Variants in TMED3 observed in about 807,000 individuals in gnomAD.
The protein encoded by TMED3 is transmembrane emp24 domain-containing protein 3.
In TMED3, 9 loss-of-function variants were observed where a neutral mutation model predicts 15.0. The ratio of observed to expected loss-of-function variants is 0.60; its 90% CI spans 0.36 to 1.04. The LOEUF (loss-of-function observed/expected upper bound fraction) is 1.04, where lower values mean the gene tolerates loss of function less well. TMED3 is among the 50% of genes least tolerant of loss of function. TMED3 has a pLI of 0.01. For synonymous variants in TMED3, 117 were observed against 121.4 expected, an observed-to-expected ratio of 0.96 and a Z score of 0.24; for missense variants, 267 against 278.9, an observed-to-expected ratio of 0.96 and a Z score of 0.30.
chr15:79,314,195 C>T (rs1245994997), intron 2 of TMED3, among the ~76,000 whole-genome samples, 190 bp downstream of exon 2: 1 of 152,204 alleles, frequency 6.6e-6, no homozygotes, highest in Non-Finnish European at 1.5e-5. Flanking sequence ...TCTTCCTTTC[C>T]ACTCTCTAAC....
intron 2 of TMED3, among the ~76,000 whole-genome samples, chr15:79,358,991 G>A (rs941093027): frequency 6.6e-6 from 1 of 152,164 alleles, no homozygotes; most frequent in African/African-American, 2.4e-5. Context: ...TGCATCTACT[G>A]GGAGTGCAGT....
intron 2 of TMED3, among the ~76,000 whole-genome samples, chr15:79,316,932 G>C (rs1203614081): frequency 1.3e-5 from 2 of 152,138 alleles, no homozygotes; most frequent in Non-Finnish European, 2.9e-5. Context: ...CTTTAGATGA[G>C]CACTAACTGA....
At chr15:79,406,791 A>G (rs1262238554) in intron 2 of TMED3, among the ~76,000 whole-genome samples, 1 of 152,202 alleles carries the variant, frequency 6.6e-6, no homozygotes. Context: ...ACTATGGCCT[A>G]ATGGGCATTA....
In TMED3 at chr15:79,335,891, C is replaced by CT. The variant is rs569312769; in HGVS notation, c.417+21892dup. Among the ~76,000 whole-genome samples, 273 of 152,234 alleles carry CT rather than the reference C, an allele frequency of 1.8e-3. 3 individuals are homozygous for CT. The highest frequency in any genetic ancestry group is 6.4e-3 in the African/African-American group (264 of 41,542). On this transcript the variant is annotated intron_variant, in intron 2 of 2. Coordinates refer to the TMED3 transcript ENST00000424155. Reference sequence around the variant, plus strand: ...TAGGCACCAACCACAGTTCTTAGTGCTTTTTTGTGTGGCATTTCATTAATC... The same window carrying CT: ...TAGGCACCAACCACAGTTCTTAGTGCTTTTTTTGTGTGGCATTTCATTAATC...
chr15:79,392,038 G>A (rs549645745), intron 2 of TMED3, among the ~76,000 whole-genome samples: 7 of 152,234 alleles, frequency 4.6e-5, no homozygotes, highest in South Asian at 2.1e-4. Flanking sequence ...TATCCATTCC[G>A]CAGTTCTGTA....
At chr15:79,383,155 A>T in intron 2 of TMED3, 1 of 796,742 alleles carries the variant, frequency 1.3e-6, no homozygotes, top group East Asian at 2.7e-5. Flanking sequence ...TGCCTTGTCC[A>T]CTCTCACCTG....
intron 2 of TMED3, among the ~76,000 whole-genome samples, chr15:79,333,857 A>C (rs746416194): frequency 5.9e-5 from 9 of 152,178 alleles, no homozygotes; most frequent in African/African-American, 9.7e-5. Flanking sequence ...ACAGGGCTGT[A>C]CTCAGGTAGA....
Position 79,327,998 on chromosome 15 carries a change from T to C in TMED3, c.417+13993T>C, listed in dbSNP as rs534160495. Among the ~76,000 whole-genome samples, 9 of 152,346 alleles carry C rather than the reference T, an allele frequency of 5.9e-5. No individual in the cohort carries two copies. In the South Asian group the frequency reaches 1.9e-3, roughly 32 times the overall value. On this transcript the variant is annotated intron_variant, in intron 2 of 2. Coordinates refer to the TMED3 transcript ENST00000424155. ...AAGAGCTACAAAAGTAAATATAATATAGTTATCAACTCCTAAATGACATAT... is the reference window on the plus strand; with the variant it reads ...AAGAGCTACAAAAGTAAATATAATACAGTTATCAACTCCTAAATGACATAT...
intron 2 of TMED3, among the ~76,000 whole-genome samples, chr15:79,405,846 T>C (rs1190376476): frequency 1.3e-5 from 2 of 152,354 alleles, no homozygotes; most frequent in African/African-American, 4.8e-5. Flanking sequence ...AACATTGCCC[T>C]AGAGCAAGGC....
downstream of TMED3, among the ~76,000 whole-genome samples, chr15:79,325,230 C>T (rs145614417): frequency 8.9e-4 from 136 of 152,292 alleles, 2 homozygotes; most frequent in East Asian, 0.022. Context: ...AGAGCTTCTG[C>T]GATGAGATTC....
At chr15:79,375,597 T>C (rs1026712792) in intron 2 of TMED3, among the ~76,000 whole-genome samples, 3 of 152,148 alleles carry the variant, frequency 2.0e-5, no homozygotes, top group Non-Finnish European at 2.9e-5. Context: ...GGAGCAAGCA[T>C]GTCACATGGC....
chr15:79,363,251 G>A (rs8030896), intron 2 of TMED3, among the ~76,000 whole-genome samples: 81,391 of 151,984 alleles, frequency 0.54, 22,125 homozygotes, highest in East Asian at 0.73. Flanking sequence ...ATAGGTAATT[G>A]TTATTTACAC....
chr15:79,317,308 C>T lies in TMED3; in HGVS notation c.417+3303C>T, dbSNP rs181619420. Reference sequence around the variant, plus strand: ...GACTCATCCTCTGTCTTGGTGTCTACACCTGTGATTTCTGTGTCCTCCCTC... The same window carrying T: ...GACTCATCCTCTGTCTTGGTGTCTATACCTGTGATTTCTGTGTCCTCCCTC... On this transcript the variant is annotated intron_variant, in intron 2 of 2. Transcript: ENST00000299705. Among the ~76,000 whole-genome samples, 444 of 152,352 alleles carry T rather than the reference C, an allele frequency of 2.9e-3. 1 individual carries two copies. Among genetic ancestry groups the T allele is most frequent in the Admixed American group, 6.2e-3 (95 of 15,312 alleles).
At chr15:79,342,211 A>G (rs946091614) in intron 2 of TMED3, among the ~76,000 whole-genome samples, 1 of 152,220 alleles carries the variant, frequency 6.6e-6, no homozygotes, top group African/African-American at 2.4e-5. Flanking sequence ...GATAAGGAAA[A>G]TGATACTCAT....
intron 2 of TMED3, among the ~76,000 whole-genome samples, chr15:79,352,770 G>A (rs984128249): frequency 5.9e-5 from 8 of 136,066 alleles, no homozygotes; most frequent in Non-Finnish European, 1.1e-4. Context: ...AATGATCTTG[G>A]GTTTTCCGCT....
intron 2 of TMED3, among the ~76,000 whole-genome samples, chr15:79,372,580 C>T (rs942319702): frequency 1.3e-5 from 2 of 152,200 alleles, no homozygotes; most frequent in Non-Finnish European, 2.9e-5. Flanking sequence ...TGGTGGCAGG[C>T]AGGAGAACAT....
chr15:79,375,185 C>A (rs1893403708), intron 2 of TMED3, among the ~76,000 whole-genome samples: 1 of 152,148 alleles, frequency 6.6e-6, no homozygotes, highest in African/African-American at 2.4e-5. Flanking sequence ...GTGCAACTTC[C>A]CAGTTCTCTG....
At chr15:79,351,502 GTAAAATA>G (rs1206018676) in intron 2 of TMED3, among the ~76,000 whole-genome samples, 1 of 152,098 alleles carries the variant, frequency 6.6e-6, no homozygotes, top group Non-Finnish European at 1.5e-5. Context: ...AAAATACTTT[GTAAAATA>G]AAACGGGAAA....
intron 2 of TMED3, among the ~76,000 whole-genome samples, chr15:79,380,486 G>A (rs1893507162): frequency 1.4e-5 from 2 of 145,154 alleles, no homozygotes. Flanking sequence ...GTTATATATA[G>A]TTATAGTTAT....
Sources: gnomAD v4.1 joint callset for allele counts (sites outside exome capture counted in the v4.1 genomes callset) on GRCh38, gnomAD v4.1.1 for gene constraint, MANE v1.5 for transcripts, NCBI Gene and HGNC (gene_info 2026-07-23, HGNC 2026-07-21) for gene names.